Variants in CFAP299 observed in about 807,000 individuals in gnomAD.
The protein encoded by CFAP299 is cilia and flagella associated protein 299.
CFAP299 carries 21 observed loss-of-function variants against 27.0 expected under a neutral mutation model. The ratio of observed to expected loss-of-function variants is 0.78; its 90% CI spans 0.55 to 1.12. The LOEUF (loss-of-function observed/expected upper bound fraction) is 1.12. Among genes scored for constraint, CFAP299 ranks in the 50% most tolerant of loss-of-function variants. The pLI, the probability that CFAP299 is intolerant of heterozygous loss-of-function variation, is 0.00. For missense variants in CFAP299, 310 were observed against 276.6 expected (o/e 1.12, Z -0.86); for synonymous variants, 104 against 98.1 (o/e 1.06, Z -0.36).
intron 2 of CFAP299, among the ~76,000 whole-genome samples, chr4:80,560,938 G>A (rs1351518697): frequency 6.6e-6 from 1 of 152,136 alleles, no homozygotes; most frequent in Non-Finnish European, 1.5e-5. Flanking sequence ...GCCACTGGCT[G>A]ATTGTAGAGC....
At position 80,624,838 on chromosome 4, in the gene CFAP299, A is replaced by G. The variant is rs1341650855; in HGVS notation, c.333+41655A>G. 2.6e-5 allele frequency among the ~76,000 whole-genome samples: 4 copies of G among 152,166 alleles called. No individual in the cohort carries two copies. The South Asian group carries it at 6.2e-4, about 24-fold the overall frequency. On this transcript the variant is annotated intron_variant, in intron 3 of 5. Transcript: ENST00000358105. ...CAGGAGAGAAGAGGTTGATAAATTTAAAGTGCTGAGAACAACAAATACTGT... is the reference window on the plus strand; with the variant it reads ...CAGGAGAGAAGAGGTTGATAAATTTGAAGTGCTGAGAACAACAAATACTGT...
chr4:80,920,868 C>T (rs1032028908), intron 4 of CFAP299, among the ~76,000 whole-genome samples: 1 of 151,984 alleles, frequency 6.6e-6, no homozygotes. Context: ...AAAATTAAGC[C>T]AAATTTGCCA....
intron 2 of CFAP299, among the ~76,000 whole-genome samples, chr4:80,476,652 G>GATTAA (rs1349111449): frequency 6.6e-6 from 1 of 152,064 alleles, no homozygotes; most frequent in African/African-American, 2.4e-5. Context: ...GGGTCCCCAT[G>GATTAA]ATTAATCTCA....
intron 2 of CFAP299, among the ~76,000 whole-genome samples, chr4:80,398,924 G>C (rs1032301145): frequency 1.3e-5 from 2 of 150,956 alleles, no homozygotes; most frequent in Non-Finnish European, 2.9e-5. Context: ...TGGGAGAAAA[G>C]TTTTGCAATC....
At chr4:80,374,328 A>G (rs1283139957) in intron 2 of CFAP299, among the ~76,000 whole-genome samples, 1 of 152,066 alleles carries the variant, frequency 6.6e-6, no homozygotes, top group Non-Finnish European at 1.5e-5. Context: ...CAGACCTACC[A>G]TGTCCCTATC....
At chr4:80,837,437 C>A (rs951502426) in intron 3 of CFAP299, among the ~76,000 whole-genome samples, 1 of 152,046 alleles carries the variant, frequency 6.6e-6, no homozygotes, top group East Asian at 1.9e-4. Context: ...CTTCCCGTAG[C>A]CCCCCAACCC....
chr4:80,754,436 C>A (rs1725116497), intron 3 of CFAP299, among the ~76,000 whole-genome samples: 1 of 152,004 alleles, frequency 6.6e-6, no homozygotes, highest in Non-Finnish European at 1.5e-5. Flanking sequence ...ATTGATTAAG[C>A]CTTGGTCTTA....
At chr4:80,517,552 ATTG>A (rs1732646258) in intron 2 of CFAP299, among the ~76,000 whole-genome samples, 1 of 152,158 alleles carries the variant, frequency 6.6e-6, no homozygotes, top group Non-Finnish European at 1.5e-5. Flanking sequence ...TGTTAAGGTT[ATTG>A]TTTTATCTTG....
intron 3 of CFAP299, among the ~76,000 whole-genome samples, chr4:80,866,059 T>TTATTTATATATATATATATATATATA (rs1553901533): frequency 1.7e-5 from 1 of 58,374 alleles, no homozygotes; most frequent in Non-Finnish European, 4.5e-5. Flanking sequence ...ACTTAAAGTA[T>TTATTTATATATATATATATATATATA]TATATATATA....
chr4:80,681,619 T>C (rs1334216260), intron 3 of CFAP299, among the ~76,000 whole-genome samples: 1 of 152,020 alleles, frequency 6.6e-6, no homozygotes, highest in Non-Finnish European at 1.5e-5. Context: ...ACAGAAATAT[T>C]TCTAAAGTGT....
chr4:80,478,729 A>G (rs1730407116), intron 2 of CFAP299, among the ~76,000 whole-genome samples: 1 of 151,954 alleles, frequency 6.6e-6, no homozygotes, highest in African/African-American at 2.4e-5. Context: ...TTGTCTTAAT[A>G]AAAAATAAGA....
chr4:80,459,308 A>T (rs1410922119), intron 2 of CFAP299, among the ~76,000 whole-genome samples: 1 of 152,172 alleles, frequency 6.6e-6, no homozygotes, highest in African/African-American at 2.4e-5. Context: ...TATGAAGACA[A>T]ACTCTCCCAA....
chr4:80,512,489 A>G (rs540081307), intron 2 of CFAP299, among the ~76,000 whole-genome samples: 11 of 152,248 alleles, frequency 7.2e-5, no homozygotes, highest in East Asian at 5.8e-4. Context: ...TTTGGATTCA[A>G]CTGAAGATGT....
At chr4:80,823,605 C>A (rs1465298313) in intron 3 of CFAP299, among the ~76,000 whole-genome samples, 1 of 152,086 alleles carries the variant, frequency 6.6e-6, no homozygotes, top group Non-Finnish European at 1.5e-5. Context: ...CTTTAAGGAG[C>A]ATCTTCAGGA....
intron 2 of CFAP299, among the ~76,000 whole-genome samples, chr4:80,500,870 T>TCATCAG (rs1317468767): frequency 6.6e-6 from 1 of 152,116 alleles, no homozygotes; most frequent in East Asian, 1.9e-4. Flanking sequence ...CCTTTTCCCT[T>TCATCAG]CATCAGCTGC....
intron 4 of CFAP299, among the ~76,000 whole-genome samples, chr4:80,877,605 C>T (rs943861485): frequency 6.6e-6 from 1 of 150,764 alleles, no homozygotes; most frequent in Non-Finnish European, 1.5e-5. Flanking sequence ...AGTTTATTGA[C>T]ACTGACTGTG....
At chr4:80,947,830 T>G (rs1221055622) in intron 5 of CFAP299, among the ~76,000 whole-genome samples, 1 of 152,166 alleles carries the variant, frequency 6.6e-6, no homozygotes, top group African/African-American at 2.4e-5. Context: ...ATCCAAGATC[T>G]TTTTTATTTC....
At chr4:80,353,651 A>C (rs1399747793) in intron 1 of CFAP299, among the ~76,000 whole-genome samples, 1 of 152,124 alleles carries the variant, frequency 6.6e-6, no homozygotes, top group Non-Finnish European at 1.5e-5. Flanking sequence ...TGAAGCTTGA[A>C]ATCTGTGGAG....
chr4:80,577,052 T>C (rs181207107), intron 2 of CFAP299, among the ~76,000 whole-genome samples: 23 of 152,310 alleles, frequency 1.5e-4, no homozygotes, highest in Admixed American at 1.3e-3. Flanking sequence ...CCTACTGATT[T>C]ATGTTCCTTC....
Sources: gnomAD v4.1 joint callset for allele counts (sites outside exome capture counted in the v4.1 genomes callset) on GRCh38, gnomAD v4.1.1 for gene constraint, MANE v1.5 for transcripts, NCBI Gene and HGNC (gene_info 2026-07-23, HGNC 2026-07-21) for gene names.